Variants in PTPRN2 observed in about 807,000 individuals in gnomAD.
PTPRN2 encodes the protein receptor-type tyrosine-protein phosphatase N2.
Under a neutral mutation model 118.8 loss-of-function variants are expected in PTPRN2, and 74 were observed. The observed-to-expected ratio is 0.62, with a 90% confidence interval of 0.52 to 0.76. The LOEUF is 0.76. Among genes scored for constraint, PTPRN2 ranks in the 30% least tolerant of loss-of-function variants. PTPRN2 has a pLI of 0.00. For synonymous variants in PTPRN2, 641 were observed against 608.0 expected (o/e 1.05, Z -0.80); for missense variants, 1,481 against 1,394.4 (o/e 1.06, Z -0.99).
At chr7:158,092,911 G>A (rs12698138) in intron 10 of PTPRN2, among the ~76,000 whole-genome samples, 110,990 of 152,112 alleles carry the variant, frequency 0.73, 44,587 homozygotes, top group Middle Eastern at 0.92. Context: ...TGTGGTGCTC[G>A]GTAACAACCA....
chr7:158,344,021 T>C (rs1005131010), intron 2 of PTPRN2, among the ~76,000 whole-genome samples: 1 of 152,106 alleles, frequency 6.6e-6, no homozygotes, highest in African/African-American at 2.4e-5. Flanking sequence ...GAAACTCACA[T>C]TCAGGGAAAG....
intron 2 of PTPRN2, among the ~76,000 whole-genome samples, chr7:158,337,680 G>A (rs188393343): frequency 2.0e-5 from 3 of 149,730 alleles, no homozygotes; most frequent in African/African-American, 4.9e-5. Context: ...ACCTGCAGAC[G>A]TCACTCACAC....
At chr7:158,324,189 C>T (rs1054046835) in intron 2 of PTPRN2, among the ~76,000 whole-genome samples, 1 of 152,194 alleles carries the variant, frequency 6.6e-6, no homozygotes, top group African/African-American at 2.4e-5. Context: ...GGCACCTCGC[C>T]TCTACCGCCC....
At chr7:158,131,683 CACACTCAT>C (rs1818317777) in intron 9 of PTPRN2, among the ~76,000 whole-genome samples, 1 of 149,252 alleles carries the variant, frequency 6.7e-6, no homozygotes, top group African/African-American at 2.5e-5. Flanking sequence ...CTACCCGACA[CACACTCAT>C]ACACACATGC....
At chr7:157,684,523 G>A (rs559947470) in intron 12 of PTPRN2, among the ~76,000 whole-genome samples, 1,557 of 152,058 alleles carry the variant, frequency 0.01, 29 homozygotes, top group African/African-American at 0.036. Flanking sequence ...AGCCACCGCT[G>A]GGTCTCGCCG....
At chr7:158,355,974 C>T (rs562036532) in intron 2 of PTPRN2, among the ~76,000 whole-genome samples, 2 of 152,316 alleles carry the variant, frequency 1.3e-5, no homozygotes, top group African/African-American at 4.8e-5. Flanking sequence ...AGCCTAGCAG[C>T]CGTCATGGGC....
chr7:157,964,322 G>A lies in PTPRN2; in HGVS notation c.1724-65585C>T, dbSNP rs2128811439. Among the ~76,000 whole-genome samples the A allele has an allele frequency of 6.6e-6, 1 of 152,242 alleles. No homozygotes were observed. The highest frequency in any genetic ancestry group is 6.5e-5 in the Admixed American group (1 of 15,288). ...CTGGGGGCGATGTAGAGATGTGGAA[G>A]CTGGACCCCACCCCCCAGGCTAATT... On this transcript the variant is annotated intron_variant, in intron 11 of 22. Coordinates refer to ENST00000389418, the MANE Select transcript of PTPRN2 (RefSeq NM_002847.5). The surrounding 1 kb of genome is among the most constrained non-coding windows in gnomAD (Gnocchi z 9.0).
chr7:157,774,769 T>C (rs899196337), intron 12 of PTPRN2, among the ~76,000 whole-genome samples: 1 of 151,982 alleles, frequency 6.6e-6, no homozygotes, highest in Non-Finnish European at 1.5e-5. Flanking sequence ...CAATGGGAAG[T>C]AGAAATCTGC....
At chr7:158,080,312 A>G (rs1452765319) in intron 11 of PTPRN2, among the ~76,000 whole-genome samples, 1 of 97,462 alleles carries the variant, frequency 1.0e-5, no homozygotes, top group Non-Finnish European at 2.1e-5. Flanking sequence ...CACAAATTTA[A>G]GCAAAAAAAA....
rs1194777389 is a variant in PTPRN2, at chr7:157,953,182, G to A, written c.1724-54445C>T. 6.6e-6 allele frequency among the ~76,000 whole-genome samples: 1 copy of A among 152,228 alleles called. No homozygotes were observed. The highest frequency in any genetic ancestry group is 1.5e-5 in the Non-Finnish European group (1 of 68,038). Reference sequence around the variant, plus strand: ...CATGCACCATGTTGACTGTACCCGTGTGCAGCTTGCACAGAGTCCCCAGCA... The same window carrying A: ...CATGCACCATGTTGACTGTACCCGTATGCAGCTTGCACAGAGTCCCCAGCA... On this transcript the variant is annotated intron_variant, in intron 11 of 22. Coordinates refer to ENST00000389418, the MANE Select transcript of PTPRN2 (RefSeq NM_002847.5). The surrounding 1 kb of genome is among the most constrained non-coding windows in gnomAD (Gnocchi z 4.6).
At chr7:158,227,731 C>T (rs951724800) in intron 3 of PTPRN2, among the ~76,000 whole-genome samples, 2 of 151,294 alleles carry the variant, frequency 1.3e-5, no homozygotes, top group East Asian at 3.9e-4. Context: ...GAAGGATGAT[C>T]CCATGCAGGA....
At chr7:157,909,450 C>T (rs1401775601) in intron 11 of PTPRN2, among the ~76,000 whole-genome samples, 2 of 152,246 alleles carry the variant, frequency 1.3e-5, no homozygotes, top group Non-Finnish European at 1.5e-5. Flanking sequence ...CCTGCGCTGG[C>T]GCATCTCACC....
chr7:157,735,410 T>C (rs1462095583), intron 12 of PTPRN2, among the ~76,000 whole-genome samples: 2 of 152,068 alleles, frequency 1.3e-5, no homozygotes. Context: ...CGGCCAGGAG[T>C]GCATCTGACT....
In PTPRN2 at chr7:157,578,008, C is replaced by G. The variant is rs1481432881; in HGVS notation, c.2616+13G>C. On this transcript the variant is annotated intron_variant, in intron 18 of 22. Coordinates refer to ENST00000389418, the MANE Select transcript of PTPRN2 (RefSeq NM_002847.5). The stretch of plus-strand genomic sequence containing the variant: ...CTGGTGGGTCCTGCCCTGGGTGGCT[C>G]TGGTCGGAGTACCTCATAGATGTGG... 1.3e-6 allele frequency: 2 copies of G among 1,598,902 alleles called. No homozygotes were observed. Among genetic ancestry groups the G allele is most frequent in the Admixed American group, 3.4e-5 (2 of 59,468 alleles).
chr7:158,183,751 G>A (rs1202773848), intron 5 of PTPRN2, among the ~76,000 whole-genome samples: 2 of 152,230 alleles, frequency 1.3e-5, no homozygotes, highest in Non-Finnish European at 2.9e-5. Context: ...CCCTCACACT[G>A]TGGGGCTTAC....
chr7:158,099,991 A>T (rs1284741236), intron 10 of PTPRN2, among the ~76,000 whole-genome samples: 1 of 151,040 alleles, frequency 6.6e-6, no homozygotes, highest in Non-Finnish European at 1.5e-5. Flanking sequence ...TTACATGAGT[A>T]AGTTCTCTAA....
chr7:158,006,880 ACCAGGAGGGCCT>A (rs2128865113), intron 11 of PTPRN2, among the ~76,000 whole-genome samples: 1 of 152,250 alleles, frequency 6.6e-6, no homozygotes, highest in African/African-American at 2.4e-5. Flanking sequence ...GACATTTTGG[ACCAGGAGGGCCT>A]CCTGTGTGGT....
chr7:157,842,672 C>T (rs1808520663), intron 12 of PTPRN2, among the ~76,000 whole-genome samples: 1 of 152,116 alleles, frequency 6.6e-6, no homozygotes, highest in Non-Finnish European at 1.5e-5. Flanking sequence ...CTCAGCCTCC[C>T]AAAGTGCTGG....
At chr7:158,303,888 A>G (rs539631385) in intron 3 of PTPRN2, among the ~76,000 whole-genome samples, 1 of 152,374 alleles carries the variant, frequency 6.6e-6, no homozygotes, top group Non-Finnish European at 1.5e-5. Context: ...ATTTGAAGAA[A>G]TGTATTCTGA....
Sources: gnomAD v4.1 joint callset for allele counts (sites outside exome capture counted in the v4.1 genomes callset) on GRCh38, gnomAD v4.1.1 for gene constraint, Gnocchi (gnomAD v3.1) non-coding constraint, MANE v1.5 for transcripts, NCBI Gene and HGNC (gene_info 2026-07-23, HGNC 2026-07-21) for gene names.